TIAM2: variants seen among roughly 807,000 people sequenced by gnomAD.
TIAM2 encodes the protein rho guanine nucleotide exchange factor TIAM2.
In TIAM2, 80 loss-of-function variants were observed where a neutral mutation model predicts 152.9. The observed-to-expected ratio is 0.52, with a 90% CI of 0.44 to 0.63. The LOEUF is 0.63. Ranked by LOEUF, TIAM2 falls within the 30% of genes least tolerant of loss-of-function variation. The pLI is 0.00. For synonymous variants in TIAM2, 804 were observed against 838.0 expected (o/e 0.96, Z 0.70); for missense variants, 1,965 against 2,120.1 (o/e 0.93, Z 1.44).
chr6:155,071,739 T>C (rs1225336582), intron 1 of TIAM2, among the ~76,000 whole-genome samples: 1 of 151,742 alleles, frequency 6.6e-6, no homozygotes, highest in African/African-American at 2.4e-5. Flanking sequence ...TACTAAAAAC[T>C]ACAAAAATTA....
At chr6:155,014,650 A>G (rs939119204) in intron 1 of TIAM2, among the ~76,000 whole-genome samples, 1 of 152,154 alleles carries the variant, frequency 6.6e-6, no homozygotes, top group Admixed American at 6.5e-5. Flanking sequence ...GTGAGTATCT[A>G]CGTACACTCA....
chr6:155,115,555 A>C (rs1017293991), intron 2 of TIAM2, among the ~76,000 whole-genome samples: 2 of 152,166 alleles, frequency 1.3e-5, no homozygotes, highest in African/African-American at 4.8e-5. Context: ...TGGGAGGCTG[A>C]GACAGGAGGC....
intron 16 of TIAM2, among the ~76,000 whole-genome samples, chr6:155,241,180 C>T (rs1208192807): frequency 6.6e-6 from 1 of 152,278 alleles, no homozygotes; most frequent in African/African-American, 2.4e-5. Context: ...GTGGTCAGCA[C>T]GTGGGAATAT....
At chr6:155,008,778 G>A (rs1222895696) in intron 1 of TIAM2, among the ~76,000 whole-genome samples, 1 of 152,074 alleles carries the variant, frequency 6.6e-6, no homozygotes, top group African/African-American at 2.4e-5. Flanking sequence ...GACCCTTTTG[G>A]ATGTGGATGT....
intron 10 of TIAM2, among the ~76,000 whole-genome samples, chr6:155,177,302 T>C (rs999577198): frequency 6.6e-6 from 1 of 152,214 alleles, no homozygotes; most frequent in Non-Finnish European, 1.5e-5. Context: ...AGATGGTGTG[T>C]TATAAGAAGG....
rs369642917 is a variant in TIAM2, at chr6:155,183,711, T to C, written c.3064+211T>C. Among the ~76,000 whole-genome samples the C allele has an allele frequency of 9.9e-5, 15 of 152,250 alleles. No homozygotes were observed. The East Asian group carries it at 2.1e-3, about 22-fold the overall frequency. ...CGCTTTCATTAAAATAGAAAATAATTATTTTTGCACAAAATAACATTTAAA... is the reference window on the plus strand; with the variant it reads ...CGCTTTCATTAAAATAGAAAATAATCATTTTTGCACAAAATAACATTTAAA... On this transcript the variant is annotated intron_variant, in intron 14 of 26. Transcript: ENST00000682666.
chr6:155,085,428 G>A (rs1778153665), intron 1 of TIAM2, among the ~76,000 whole-genome samples: 1 of 152,098 alleles, frequency 6.6e-6, no homozygotes, highest in South Asian at 2.1e-4. Context: ...CAGTTGTGCT[G>A]CGTACTGTGG....
rs751271279 is a variant in TIAM2, at chr6:155,214,790, A to C, written c.3168+3483A>C. ...AGATGTGTTTTGATAGCCTTGTCTT[A>C]AATTATTTTTAAATCTTATTTTAAT... is the stretch of plus-strand genomic sequence containing the variant. On this transcript the variant is annotated intron_variant, in intron 15 of 26. Coordinates refer to ENST00000682666, the MANE Select transcript of TIAM2 (RefSeq NM_012454.4). The surrounding 1 kb of genome is among the most constrained non-coding windows in gnomAD (Gnocchi z 5.4). 1.6e-4 allele frequency among the ~76,000 whole-genome samples: 24 copies of C among 152,172 alleles called. No individual in the cohort carries two copies. The highest frequency in any genetic ancestry group is 3.1e-4 in the Non-Finnish European group (21 of 68,026).
chr6:155,238,432 G>A (rs113984946), intron 15 of TIAM2, among the ~76,000 whole-genome samples: 1,863 of 152,226 alleles, frequency 0.012, 33 homozygotes, highest in Non-Finnish European at 0.015. Context: ...TTGCCTCCAC[G>A]TTTTCAGTTA....
At chr6:155,004,252 G>A (rs932637784) in intron 1 of TIAM2, among the ~76,000 whole-genome samples, 2 of 152,192 alleles carry the variant, frequency 1.3e-5, no homozygotes, top group Admixed American at 1.3e-4. Flanking sequence ...GCTGGTCAGA[G>A]TCACTTCTAG....
intron 2 of TIAM2, among the ~76,000 whole-genome samples, chr6:155,098,105 T>G (rs1778459210): frequency 6.6e-6 from 1 of 152,212 alleles, no homozygotes; most frequent in Non-Finnish European, 1.5e-5. Flanking sequence ...CAGGTATAGT[T>G]TGATGCCTCC....
Position 155,213,677 on chromosome 6 carries a change from G to A in TIAM2, c.3168+2370G>A, listed in dbSNP as rs781096009. Among the ~76,000 whole-genome samples, 11 of 152,202 alleles carry A rather than the reference G, an allele frequency of 7.2e-5. No homozygotes were observed. Among genetic ancestry groups the A allele is most frequent in the East Asian group, 5.8e-4 (3 of 5,184 alleles). On this transcript the variant is annotated intron_variant, in intron 15 of 26. Transcript: ENST00000682666. The surrounding 1 kb of genome is among the most constrained non-coding windows in gnomAD (Gnocchi z 4.2). ...CCTTTCCACCCAGGAGCCTGTCTGC[G>A]TCCTGCCACTCTTCCTGGTGCCCAG...
chr6:155,179,184 T>G, intron 11 of TIAM2, 41 bp downstream of exon 11: 1 of 1,547,618 alleles, frequency 6.5e-7, no homozygotes. Context: ...CTGAACCACA[T>G]CTATGGCCCT....
Position 155,132,975 on chromosome 6 carries a change from G to A in TIAM2, c.1194+2558G>A, listed in dbSNP as rs71575019. Among the ~76,000 whole-genome samples the A allele has an allele frequency of 5.3e-5, 8 of 152,134 alleles. 1 individual carries two copies. Among genetic ancestry groups the A allele is most frequent in the Non-Finnish European group, 7.4e-5 (5 of 68,024 alleles). On this transcript the variant is annotated intron_variant, in intron 4 of 26. Transcript: ENST00000682666. ...TCTCCTGTCAAGTTACCCTCCCTGC[G>A]TCTCCTACCCACGGGAACTGGGTCT...
chr6:155,021,134 CAGACA>C, intron 1 of TIAM2, among the ~76,000 whole-genome samples: 1 of 152,184 alleles, frequency 6.6e-6, no homozygotes, highest in South Asian at 2.1e-4. Context: ...CATTGGTCCA[CAGACA>C]TTTGGGTTTT....
At chr6:155,128,533 A>G (rs533184275) in intron 3 of TIAM2, among the ~76,000 whole-genome samples, 20 of 152,304 alleles carry the variant, frequency 1.3e-4, no homozygotes, top group Non-Finnish European at 1.2e-4. Flanking sequence ...GACTGACAGA[A>G]TAAAGATACT....
chr6:154,999,274 G>A (rs1212372215), intron 1 of TIAM2, among the ~76,000 whole-genome samples: 2 of 151,862 alleles, frequency 1.3e-5, no homozygotes, highest in African/African-American at 4.8e-5. Context: ...GTGCAGTGGC[G>A]ATCTCAGCTC....
chr6:155,167,351 A>T (rs1248487928), intron 9 of TIAM2, among the ~76,000 whole-genome samples: 1 of 152,074 alleles, frequency 6.6e-6, no homozygotes, highest in Admixed American at 6.5e-5. Context: ...CCTCCCAAGT[A>T]GCTGGGACTA....
chr6:155,130,448 C>T, intron 4 of TIAM2, 31 bp downstream of exon 4: 3 of 1,577,848 alleles, frequency 1.9e-6, no homozygotes, highest in Non-Finnish European at 2.6e-6. Flanking sequence ...AGGGAAGGGT[C>T]CCCACAGTTT....
Sources: allele counts gnomAD v4.1 joint callset (sites outside exome capture counted in the v4.1 genomes callset), GRCh38; gene constraint gnomAD v4.1.1; non-coding constraint Gnocchi (gnomAD v3.1); transcripts MANE v1.5; gene names NCBI Gene and HGNC (gene_info 2026-07-23, HGNC 2026-07-21).